The following EPHA5 variants were observed in gnomAD, a reference collection of about 807,000 sequenced individuals.
The protein encoded by EPHA5 is EPH receptor A5, also known as ephrin type-A receptor 5.
Under a neutral mutation model 105.0 loss-of-function variants are expected in EPHA5, and 60 were observed. The ratio of observed to expected loss-of-function variants is 0.57; its 90% CI spans 0.46 to 0.71. The LOEUF is 0.71. Among genes scored for constraint, EPHA5 ranks in the 30% least tolerant of loss-of-function variants. The pLI, the probability that EPHA5 is intolerant of heterozygous loss-of-function variation, is 0.00. For missense variants in EPHA5, 1,218 were observed against 1,274.7 expected, an observed-to-expected ratio of 0.96 and a Z score of 0.68; for synonymous variants, 513 against 449.1, an observed-to-expected ratio of 1.14 and a Z score of -1.80.
intron 1 of EPHA5, among the ~76,000 whole-genome samples, chr4:65,650,966 A>G (rs991915687): frequency 6.6e-6 from 1 of 151,906 alleles, no homozygotes; most frequent in South Asian, 2.1e-4. Context: ...TTGTCTCTCT[A>G]TTTTCCCATT....
rs147475647 is a variant in EPHA5 at position 65,660,941 on chromosome 4, A to C, written c.181+8621T>G. Among the ~76,000 whole-genome samples the C allele has an allele frequency of 7.2e-3, 1,095 of 152,244 alleles. 44 individuals carry two copies. Among genetic ancestry groups the C allele is most frequent in the Admixed American group, 0.051 (783 of 15,294 alleles). ...CTTTTATTCTTACCCTTACCCAGCA[A>C]ACAAAGAGTAACACACAGAGACCAT... On this transcript the variant is annotated intron_variant, in intron 1 of 16. Transcript: ENST00000613740.
chr4:65,634,449 C>T (rs1176948563), intron 2 of EPHA5, among the ~76,000 whole-genome samples: 1 of 152,044 alleles, frequency 6.6e-6, no homozygotes, highest in East Asian at 1.9e-4. Flanking sequence ...TTTTAAAGAA[C>T]CTTATTCATA....
chr4:65,560,088 C>T (rs1738855245), intron 3 of EPHA5, among the ~76,000 whole-genome samples: 2 of 152,160 alleles, frequency 1.3e-5, no homozygotes, highest in South Asian at 4.1e-4. Flanking sequence ...ACATGTTGGG[C>T]TGGTGGGAAG....
intron 2 of EPHA5, among the ~76,000 whole-genome samples, chr4:65,623,270 G>A (rs1388610667): frequency 6.6e-6 from 1 of 151,954 alleles, no homozygotes; most frequent in Non-Finnish European, 1.5e-5. Context: ...AATTGGGGAT[G>A]TCTGATGCCT....
intron 3 of EPHA5, among the ~76,000 whole-genome samples, chr4:65,523,870 A>T (rs1289587390): frequency 6.6e-6 from 1 of 151,854 alleles, no homozygotes; most frequent in Non-Finnish European, 1.5e-5. Flanking sequence ...CAAAGAAGGG[A>T]CGAAATGGTG....
At chr4:65,533,925 T>A (rs193274556) in intron 3 of EPHA5, among the ~76,000 whole-genome samples, 3 of 147,922 alleles carry the variant, frequency 2.0e-5, no homozygotes, top group Admixed American at 1.4e-4. Flanking sequence ...AGAGTGAGAC[T>A]CCATCTCAAA....
At chr4:65,590,379 C>A (rs564164847) in intron 3 of EPHA5, among the ~76,000 whole-genome samples, 6 of 152,082 alleles carry the variant, frequency 3.9e-5, no homozygotes, top group Non-Finnish European at 8.8e-5. Flanking sequence ...GTGATCCACA[C>A]GCATGACAAG....
At chr4:65,524,881 AG>A (rs1039898127) in intron 3 of EPHA5, among the ~76,000 whole-genome samples, 4 of 151,766 alleles carry the variant, frequency 2.6e-5, no homozygotes, top group Non-Finnish European at 5.9e-5. Flanking sequence ...TACAAACCAA[AG>A]GATGGGCTCC....
chr4:65,422,269 T>C (rs1012899765), intron 5 of EPHA5, among the ~76,000 whole-genome samples: 7 of 152,000 alleles, frequency 4.6e-5, no homozygotes, highest in Admixed American at 2.6e-4. Context: ...CTGATGAAAG[T>C]GGGGATGCTG....
chr4:65,332,432 A>C (rs1242662040), intron 15 of EPHA5, among the ~76,000 whole-genome samples: 1 of 151,826 alleles, frequency 6.6e-6, no homozygotes, highest in Non-Finnish European at 1.5e-5. Flanking sequence ...ATGAACACAG[A>C]ATTTTTAGGA....
chr4:65,641,812 A>G (rs1390395322), intron 2 of EPHA5, among the ~76,000 whole-genome samples: 1 of 152,100 alleles, frequency 6.6e-6, no homozygotes, highest in Non-Finnish European at 1.5e-5. Context: ...AAAAAACAGA[A>G]CAAATACACC....
At chr4:65,354,829 A>G (rs1233876250) in intron 11 of EPHA5, among the ~76,000 whole-genome samples, 1 of 151,778 alleles carries the variant, frequency 6.6e-6, no homozygotes, top group Non-Finnish European at 1.5e-5. Context: ...ACCGTTTATA[A>G]TAATAATATA....
rs146546012 is a variant in EPHA5 at position 65,449,439 on chromosome 4, A to G, written c.1403-28874T>C. ...TCTGCCACAGAATAAATTTAATTCTATGTATCTGCCACAACAAAACCCAAG... is the reference window on the plus strand; with the variant it reads ...TCTGCCACAGAATAAATTTAATTCTGTGTATCTGCCACAACAAAACCCAAG... On this transcript the variant is annotated intron_variant, in intron 5 of 16. Coordinates refer to ENST00000613740, the MANE Select transcript of EPHA5 (RefSeq NM_001281766.3). Among the ~76,000 whole-genome samples, 705 of 152,320 alleles carry G rather than the reference A, an allele frequency of 4.6e-3. 7 individuals carry two copies. Among genetic ancestry groups the G allele is most frequent in the African/African-American group, 0.016 (679 of 41,576 alleles).
At chr4:65,351,939 G>A (rs73822117) in intron 12 of EPHA5, among the ~76,000 whole-genome samples, 1,752 of 152,106 alleles carry the variant, frequency 0.012, 35 homozygotes, top group African/African-American at 0.04. Context: ...GTACTATTTT[G>A]ATGTGATTTA....
chr4:65,605,899 A>T (rs1412100963), intron 2 of EPHA5, among the ~76,000 whole-genome samples: 1 of 152,176 alleles, frequency 6.6e-6, no homozygotes, highest in Non-Finnish European at 1.5e-5. Flanking sequence ...TATTCAATAG[A>T]GAACATCACA....
At chr4:65,574,697 T>TATATAC (rs1560717882) in intron 3 of EPHA5, among the ~76,000 whole-genome samples, 4 of 64,874 alleles carry the variant, frequency 6.2e-5, no homozygotes, top group Non-Finnish European at 1.3e-4. Context: ...TACATATATA[T>TATATAC]ACATATATAT....
chr4:65,545,375 A>C (rs13134593), intron 3 of EPHA5, among the ~76,000 whole-genome samples: 37,724 of 151,812 alleles, frequency 0.25, 4,862 homozygotes, highest in African/African-American at 0.3. Context: ...CATCACTCCC[A>C]ATGAGGTATC....
At chr4:65,342,296 C>A (rs1321095592) in intron 14 of EPHA5, among the ~76,000 whole-genome samples, 3 of 151,972 alleles carry the variant, frequency 2.0e-5, no homozygotes, top group Non-Finnish European at 4.4e-5. Context: ...TTACTTACAT[C>A]CAAGGGCGGC....
At chr4:65,612,531 C>G (rs1744873956) in intron 2 of EPHA5, among the ~76,000 whole-genome samples, 1 of 152,132 alleles carries the variant, frequency 6.6e-6, no homozygotes, top group Admixed American at 6.5e-5. Flanking sequence ...AGTAATATTT[C>G]ACTGAATACA....
Sources: gnomAD v4.1 joint callset for allele counts (sites outside exome capture counted in the v4.1 genomes callset) on GRCh38, gnomAD v4.1.1 for gene constraint, MANE v1.5 for transcripts, NCBI Gene and HGNC (gene_info 2026-07-23, HGNC 2026-07-21) for gene names.